SLC9A4: variants seen among roughly 807,000 people sequenced by gnomAD.
The protein encoded by SLC9A4 is sodium/hydrogen exchanger 4.
In SLC9A4, 63 loss-of-function variants were observed where a neutral mutation model predicts 67.4. That is an observed-to-expected ratio of 0.93 (90% CI 0.76 to 1.15). The LOEUF (loss-of-function observed/expected upper bound fraction) is 1.15. SLC9A4 is among the 50% of genes most tolerant of loss of function. The pLI is 0.00. For missense variants in SLC9A4, 1,089 were observed against 987.7 expected, an observed-to-expected ratio of 1.10 and a Z score of -1.38; for synonymous variants, 393 against 367.2, an observed-to-expected ratio of 1.07 and a Z score of -0.80.
chr2:102,522,062 A>G (rs1685434008), intron 9 of SLC9A4, among the ~76,000 whole-genome samples: 1 of 152,208 alleles, frequency 6.6e-6, no homozygotes, highest in South Asian at 2.1e-4. Flanking sequence ...GGTTCCCGGT[A>G]GGACAACCAC....
At chr2:102,516,865 T>C (rs540044679) in intron 8 of SLC9A4, among the ~76,000 whole-genome samples, 1 of 152,266 alleles carries the variant, frequency 6.6e-6, no homozygotes, top group East Asian at 1.9e-4. Context: ...AAAGTGATAT[T>C]AAAATATAAA....
In SLC9A4 at chr2:102,473,649, AC is replaced by A; in HGVS notation, c.-109del. On this transcript the variant is annotated 5_prime_UTR_variant, in exon 1 of 12. Coordinates refer to ENST00000295269, the MANE Select transcript of SLC9A4 (RefSeq NM_001011552.4). ...CTTCTTGGGAGGACCCACAGACTGT[AC>A]CTATATTACTTTTGACCCAGGTGGA... The A allele has an allele frequency of 7.4e-7, 1 of 1,347,588 alleles. No homozygotes were observed. Among genetic ancestry groups the A allele is most frequent in the South Asian group, 1.4e-5 (1 of 72,794 alleles). The allele number at this position is 1,347,588 out of a possible 1,614,324, so 83.5% of individuals were successfully genotyped here.
At chr2:102,528,167 C>G (rs1346774448) in intron 11 of SLC9A4, among the ~76,000 whole-genome samples, 1 of 152,084 alleles carries the variant, frequency 6.6e-6, no homozygotes, top group Admixed American at 6.5e-5. Flanking sequence ...GCCACCACAC[C>G]CGGCCAATTT....
At chr2:102,513,778 G>C (rs927275308) in intron 7 of SLC9A4, among the ~76,000 whole-genome samples, 1 of 152,220 alleles carries the variant, frequency 6.6e-6, no homozygotes, top group African/African-American at 2.4e-5. Context: ...TTGGAGCTGA[G>C]CTGGGCTGGG....
intron 8 of SLC9A4, among the ~76,000 whole-genome samples, chr2:102,518,011 T>A (rs1204729950): frequency 6.6e-6 from 1 of 152,164 alleles, no homozygotes; most frequent in Non-Finnish European, 1.5e-5. Context: ...TGAAGTGGCA[T>A]GAAGAAAACT....
intron 2 of SLC9A4, among the ~76,000 whole-genome samples, chr2:102,492,625 C>T (rs1318154823): frequency 0.021 from 3 of 140 alleles, no homozygotes; most frequent in African/African-American, 0.094. Context: ...GTCCAGGAAA[C>T]CATTTTTTTC....
At chr2:102,513,442 G>A (rs1685207298) in intron 7 of SLC9A4, among the ~76,000 whole-genome samples, 1 of 152,220 alleles carries the variant, frequency 6.6e-6, no homozygotes, top group Non-Finnish European at 1.5e-5. Flanking sequence ...GACTCTGAAG[G>A]CACCATATGC....
intron 1 of SLC9A4, among the ~76,000 whole-genome samples, chr2:102,478,618 C>G (rs1684382363): frequency 6.6e-6 from 1 of 152,190 alleles, no homozygotes; most frequent in East Asian, 1.9e-4. Context: ...GAGGGGGCAG[C>G]TGGCTGTGAA....
chr2:102,499,802 G>A (rs4851601), intron 2 of SLC9A4, among the ~76,000 whole-genome samples: 31,368 of 152,158 alleles, frequency 0.21, 4,373 homozygotes, highest in Non-Finnish European at 0.29. Context: ...TGAACAGTGA[G>A]CACTAATTTA....
intron 2 of SLC9A4, among the ~76,000 whole-genome samples, chr2:102,491,044 C>T (rs1366982379): frequency 1.3e-5 from 2 of 152,164 alleles, no homozygotes; most frequent in Non-Finnish European, 2.9e-5. Flanking sequence ...ATTTGAAACT[C>T]TCTCTTGTAA....
rs1684265423 is a variant in SLC9A4, at chr2:102,473,586, A to G, written c.-174A>G. On this transcript the variant is annotated 5_prime_UTR_variant, in exon 1 of 12. Transcript: ENST00000295269. ...CACAAACGATTTAAACCAGATTAGA[A>G]AGTGTCTACATACAGAGCTCAATAA... 3 of 706,652 alleles carry G rather than the reference A, an allele frequency of 4.2e-6. No individual in the cohort carries two copies. The highest frequency in any genetic ancestry group is 6.9e-6 in the Non-Finnish European group (3 of 437,544). 43.8% of individuals were successfully genotyped at this position (706,652 alleles called of 1,614,324 possible).
intron 2 of SLC9A4, among the ~76,000 whole-genome samples, chr2:102,482,875 G>T (rs1684495257): frequency 1.3e-5 from 2 of 152,284 alleles, no homozygotes; most frequent in South Asian, 2.1e-4. Context: ...ATCTACAAAA[G>T]TTCTTGCCAA....
At chr2:102,490,303 C>G (rs1174702237) in intron 2 of SLC9A4, among the ~76,000 whole-genome samples, 2 of 152,208 alleles carry the variant, frequency 1.3e-5, no homozygotes, top group Non-Finnish European at 2.9e-5. Flanking sequence ...GAAACAATCT[C>G]TGAAATATGA....
intron 11 of SLC9A4, among the ~76,000 whole-genome samples, chr2:102,528,163 A>G (rs1263933294): frequency 6.6e-6 from 1 of 152,022 alleles, no homozygotes; most frequent in Non-Finnish European, 1.5e-5. Flanking sequence ...ATGTGCCACC[A>G]CACCCGGCCA....
intron 11 of SLC9A4, among the ~76,000 whole-genome samples, chr2:102,531,141 CA>C (rs1674772395): frequency 6.8e-6 from 1 of 146,220 alleles, no homozygotes; most frequent in South Asian, 2.1e-4. Context: ...CGGCTCACTG[CA>C]AGCTCTGCCT....
chr2:102,513,363 G>C (rs1685205819), intron 7 of SLC9A4, among the ~76,000 whole-genome samples: 1 of 152,160 alleles, frequency 6.6e-6, no homozygotes, highest in Non-Finnish European at 1.5e-5. Flanking sequence ...AATAAAGCAG[G>C]CGGGCAAACT....
chr2:102,532,325 C>T lies in SLC9A4; in HGVS notation c.2039-5C>T, dbSNP rs775116532. On this transcript the variant is annotated splice_region_variant and splice_polypyrimidine_tract_variant and intron_variant, in intron 11 of 11. Coordinates refer to ENST00000295269, the MANE Select transcript of SLC9A4 (RefSeq NM_001011552.4). Reference sequence around the variant, plus strand: ...TTTCCCCTTCTTGCCATGATGTTTTCCTAGATGATGACAGCAGTGATCCAG... The same window carrying T: ...TTTCCCCTTCTTGCCATGATGTTTTTCTAGATGATGACAGCAGTGATCCAG... 4.4e-6 allele frequency: 7 copies of T among 1,607,486 alleles called. No individual in the cohort carries two copies. The Admixed American group carries it at 6.8e-5, about 16-fold the overall frequency.
At chr2:102,514,306 G>A (rs982566995) in intron 8 of SLC9A4, 55 bp downstream of exon 8, 11 of 1,321,854 alleles carry the variant, frequency 8.3e-6, no homozygotes, top group Middle Eastern at 1.9e-4. Context: ...TCCAAGGGGC[G>A]CTGACTCATT....
chr2:102,531,871 A>G (rs527419795), intron 11 of SLC9A4, among the ~76,000 whole-genome samples: 148 of 152,292 alleles, frequency 9.7e-4, no homozygotes, highest in African/African-American at 3.4e-3. Flanking sequence ...TTTCTATATC[A>G]AAGATTGGAA....
Sources: allele counts gnomAD v4.1 joint callset (sites outside exome capture counted in the v4.1 genomes callset), GRCh38; gene constraint gnomAD v4.1.1; transcripts MANE v1.5; gene names NCBI Gene and HGNC (gene_info 2026-07-23, HGNC 2026-07-21).